ICA1L: variants seen among roughly 807,000 people sequenced by gnomAD.
ICA1L encodes islet cell autoantigen 1-like protein.
In ICA1L, 50 loss-of-function variants were observed where a neutral mutation model predicts 61.3. The ratio of observed to expected loss-of-function variants is 0.82; its 90% CI spans 0.65 to 1.03. ICA1L has a LOEUF of 1.03. ICA1L is among the 50% of genes least tolerant of loss of function. ICA1L has a pLI of 0.00. For missense variants in ICA1L, 508 were observed against 556.7 expected (o/e 0.91, Z 0.88); for synonymous variants, 161 against 191.3 (o/e 0.84, Z 1.31).
At chr2:202,790,836 G>A (rs1428725455) in intron 10 of ICA1L, among the ~76,000 whole-genome samples, 1 of 152,202 alleles carries the variant, frequency 6.6e-6, no homozygotes, top group African/African-American at 2.4e-5. Flanking sequence ...GAGCAAGGAT[G>A]ACACTCAGAA....
At chr2:202,834,510 C>T (rs899549520) in intron 1 of ICA1L, among the ~76,000 whole-genome samples, 1 of 151,998 alleles carries the variant, frequency 6.6e-6, no homozygotes, top group Non-Finnish European at 1.5e-5. Context: ...TACCTGCAGT[C>T]CCTGCTACTA....
At chr2:202,805,657 A>C (rs1252087715) in intron 9 of ICA1L, among the ~76,000 whole-genome samples, 3 of 152,176 alleles carry the variant, frequency 2.0e-5, no homozygotes, top group African/African-American at 7.2e-5. Flanking sequence ...AAAAATATTC[A>C]ATAGAGAGGA....
intron 9 of ICA1L, among the ~76,000 whole-genome samples, chr2:202,801,470 T>A (rs1182659454): frequency 6.6e-6 from 1 of 152,252 alleles, no homozygotes; most frequent in Non-Finnish European, 1.5e-5. Context: ...CATAAATGTT[T>A]GAGGGCATTT....
At chr2:202,845,501 C>T (rs1431184717) in intron 1 of ICA1L, among the ~76,000 whole-genome samples, 1 of 151,974 alleles carries the variant, frequency 6.6e-6, no homozygotes. Context: ...GTGGCAGGCA[C>T]CTGTAATCCC....
chr2:202,848,909 G>A (rs954706648), intron 1 of ICA1L, among the ~76,000 whole-genome samples: 6 of 152,092 alleles, frequency 3.9e-5, no homozygotes, highest in South Asian at 2.1e-4. Flanking sequence ...CAGAAGGCAG[G>A]TGATTTCTGC....
chr2:202,811,772 T>C lies in ICA1L; in HGVS notation c.884A>G (p.Glu295Gly). 6.2e-7 allele frequency: 1 copy of C among 1,605,242 alleles called. No homozygotes were observed. The highest frequency in any genetic ancestry group is 1.7e-4 in the Middle Eastern group (1 of 6,022). The change falls in exon 9 of 13, where the codon GAG becomes GGG. Residue 295 changes from glutamate (E) to glycine (G), a missense_variant. Physicochemically the swap from Glu to Gly is moderately conservative, Grantham distance 98. Transcript: ENST00000358299. Reference protein sequence around the residue: ...EQLNKLVLSDEEASFESEQAN... With the variant: ...EQLNKLVLSDGEASFESEQAN... ...TTGTTCACTCTCAAAGCTTGCTTCC[T>C]CATCAGACAAAACTAGCCTGAAGTA...
At chr2:202,870,920 C>G (rs1275273994) in intron 1 of ICA1L, 1 of 152,208 alleles carries the variant, frequency 6.6e-6, no homozygotes, top group African/African-American at 2.4e-5. Context: ...TATCTGACCA[C>G]TGACATCACC....
chr2:202,827,348 G>A (rs546038836), intron 2 of ICA1L, among the ~76,000 whole-genome samples: 63 of 151,708 alleles, frequency 4.2e-4, no homozygotes, highest in Admixed American at 2.1e-3. Flanking sequence ...AGCCAAGATC[G>A]TGCCACTGCA....
rs1420433100 is a variant in ICA1L, at chr2:202,788,936, G to T, written c.1137C>A (p.Leu379=). Reference sequence around the variant, plus strand: ...ACCCCATGGAAGGCTCCTGGGATGTGAGACTGGCACTGGGGCTCCCAAAGG... The same window carrying T: ...ACCCCATGGAAGGCTCCTGGGATGTTAGACTGGCACTGGGGCTCCCAAAGG... The part of the protein sequence containing the change: ...QTAFGSPSAS[L]TSQEPSMGSE... The change falls in exon 11 of 13, where the codon CTC becomes CTA. Residue 379 remains leucine (L), a synonymous_variant. Coordinates refer to ENST00000358299, the MANE Select transcript of ICA1L (RefSeq NM_001288622.3). 5 of 1,614,060 alleles carry T rather than the reference G, an allele frequency of 3.1e-6. No homozygotes were observed. The South Asian group carries it at 4.4e-5, about 14-fold the overall frequency.
intron 1 of ICA1L, among the ~76,000 whole-genome samples, chr2:202,850,334 C>T (rs1694583862): frequency 6.6e-6 from 1 of 152,158 alleles, no homozygotes; most frequent in Non-Finnish European, 1.5e-5. Context: ...TAGTAACAAA[C>T]TCCTCTAAGC....
At chr2:202,837,337 G>C (rs2105868037) in intron 1 of ICA1L, among the ~76,000 whole-genome samples, 1 of 151,738 alleles carries the variant, frequency 6.6e-6, no homozygotes, top group East Asian at 1.9e-4. Flanking sequence ...AAGCTGGAGT[G>C]CAGTGGTGCG....
Position 202,790,944 on chromosome 2 carries a change from C to T in ICA1L, c.986-1857G>A, listed in dbSNP as rs1692728736. Among the ~76,000 whole-genome samples the T allele has an allele frequency of 2.0e-5, 3 of 152,202 alleles. No homozygotes were observed. The South Asian group carries it at 6.2e-4, about 32-fold the overall frequency. ...AAGCCGACCATAAAACTGATGGTTC[C>T]TAATCCCTTTCCAAAGTCACTGACT... On this transcript the variant is annotated intron_variant, in intron 10 of 12. Transcript: ENST00000358299.
chr2:202,839,558 C>CTGTGTG (rs57535958), intron 1 of ICA1L, among the ~76,000 whole-genome samples: 1,436 of 114,360 alleles, frequency 0.013, 38 homozygotes, highest in African/African-American at 0.035. Flanking sequence ...ACAGTTAAGT[C>CTGTGTG]TGTGTGTGTG....
intron 1 of ICA1L, among the ~76,000 whole-genome samples, chr2:202,832,435 C>CAAAA (rs35735506): frequency 1.5e-4 from 12 of 80,880 alleles, no homozygotes; most frequent in African/African-American, 1.8e-4. Flanking sequence ...GACTCCGTCA[C>CAAAA]AAAAAAAAAA....
chr2:202,831,728 G>A (rs1435898210), intron 1 of ICA1L, among the ~76,000 whole-genome samples: 5 of 152,176 alleles, frequency 3.3e-5, no homozygotes, highest in East Asian at 3.8e-4. Flanking sequence ...GAGGGCACAC[G>A]TTCCCTGGCA....
intron 9 of ICA1L, among the ~76,000 whole-genome samples, chr2:202,807,198 T>C (rs2105839519): frequency 6.6e-6 from 1 of 152,336 alleles, no homozygotes; most frequent in East Asian, 1.9e-4. Context: ...TACGTATCAC[T>C]GAAAGAGGCA....
chr2:202,829,177 T>A (rs1464127712), intron 1 of ICA1L, 161 bp from the exon 2 acceptor site: 1 of 424,760 alleles, frequency 2.4e-6, no homozygotes, highest in Non-Finnish European at 4.0e-6. Flanking sequence ...TGAAACCCTG[T>A]CTCTACTAAA....
At chr2:202,854,073 C>A (rs1369526251) in intron 1 of ICA1L, among the ~76,000 whole-genome samples, 2 of 152,036 alleles carry the variant, frequency 1.3e-5, no homozygotes, top group Admixed American at 6.6e-5. Flanking sequence ...AGGTTCAATG[C>A]CCCGATTAAA....
At chr2:202,835,096 T>C (rs1694111144) in intron 1 of ICA1L, among the ~76,000 whole-genome samples, 1 of 152,134 alleles carries the variant, frequency 6.6e-6, no homozygotes, top group Admixed American at 6.5e-5. Flanking sequence ...ATATTTATGA[T>C]GTATGACATA....
Sources: gnomAD v4.1 joint callset for allele counts (sites outside exome capture counted in the v4.1 genomes callset) on GRCh38, gnomAD v4.1.1 for gene constraint, MANE v1.5 for transcripts, NCBI Gene and HGNC (gene_info 2026-07-23, HGNC 2026-07-21) for gene names.